Variants in CHCHD3 observed in about 807,000 individuals in gnomAD.
CHCHD3 encodes the protein coiled-coil-helix-coiled-coil-helix domain containing 3.
A neutral mutation model predicts 38.2 loss-of-function variants in CHCHD3; 20 were observed. That is an observed-to-expected ratio of 0.52 (90% CI 0.37 to 0.76). The LOEUF (loss-of-function observed/expected upper bound fraction) is 0.76, where lower values mean the gene tolerates loss of function less well. Among genes scored for constraint, CHCHD3 ranks in the 30% least tolerant of loss-of-function variants. CHCHD3 has a pLI of 0.00. For missense variants in CHCHD3, 245 were observed against 279.2 expected (o/e 0.88, Z 0.87); for synonymous variants, 82 against 100.0 (o/e 0.82, Z 1.07).
intron 6 of CHCHD3, among the ~76,000 whole-genome samples, chr7:132,817,264 C>G (rs967361212): frequency 6.6e-6 from 1 of 151,580 alleles, no homozygotes; most frequent in Non-Finnish European, 1.5e-5. Flanking sequence ...AACTGAGATG[C>G]CTTCCCCCAA....
At chr7:132,902,814 TAATA>T (rs1335739542) in intron 4 of CHCHD3, among the ~76,000 whole-genome samples, 1 of 152,058 alleles carries the variant, frequency 6.6e-6, no homozygotes, top group African/African-American at 2.4e-5. Context: ...ACTTAAAGTA[TAATA>T]AATAAAAATA....
At chr7:133,059,461 G>A (rs77880411) in intron 2 of CHCHD3, among the ~76,000 whole-genome samples, 1,981 of 152,238 alleles carry the variant, frequency 0.013, 52 homozygotes, top group African/African-American at 0.046. Flanking sequence ...GGGAGGGTCC[G>A]AGAAGGGAAA....
intron 4 of CHCHD3, among the ~76,000 whole-genome samples, chr7:132,945,052 T>A (rs1810863066): frequency 6.6e-6 from 1 of 151,908 alleles, no homozygotes; most frequent in Non-Finnish European, 1.5e-5. Context: ...TAATGGAAAT[T>A]TTACTTCCTC....
intron 4 of CHCHD3, among the ~76,000 whole-genome samples, chr7:132,947,508 C>T (rs1286161940): frequency 1.3e-5 from 2 of 151,826 alleles, no homozygotes; most frequent in African/African-American, 2.4e-5. Context: ...AAAGGAAATA[C>T]AGAAATGAAA....
intron 4 of CHCHD3, among the ~76,000 whole-genome samples, chr7:132,951,057 C>G (rs964920587): frequency 2.6e-5 from 4 of 152,300 alleles, no homozygotes; most frequent in East Asian, 1.9e-4. Context: ...GAGAGAAAAA[C>G]AGCAAGAGTT....
intron 1 of CHCHD3, among the ~76,000 whole-genome samples, chr7:133,078,429 C>T (rs1312568277): frequency 6.6e-6 from 1 of 151,986 alleles, no homozygotes; most frequent in Non-Finnish European, 1.5e-5. Context: ...GCCCGTAGTC[C>T]CAGAGGCTGG....
intron 6 of CHCHD3, among the ~76,000 whole-genome samples, chr7:132,819,824 G>A (rs1053164437): frequency 1.3e-5 from 2 of 152,236 alleles, no homozygotes; most frequent in African/African-American, 4.8e-5. Flanking sequence ...AAGGTGAGGT[G>A]TGCTGTGGCT....
intron 2 of CHCHD3, among the ~76,000 whole-genome samples, chr7:133,030,180 C>A (rs1190155772): frequency 2.0e-5 from 3 of 151,998 alleles, no homozygotes; most frequent in Non-Finnish European, 4.4e-5. Flanking sequence ...GGAAAATAAA[C>A]CAGTGAGGTA....
rs557147596 is a variant in CHCHD3, at chr7:133,020,680, A to T, written c.251+3866T>A. On this transcript the variant is annotated intron_variant, in intron 3 of 7. Transcript: ENST00000262570. Reference sequence around the variant, plus strand: ...CTGTTGTCATTGCTTGCACAGAAGCATCAAAATTTGCAGAACTGCTGTCAG... The same window carrying T: ...CTGTTGTCATTGCTTGCACAGAAGCTTCAAAATTTGCAGAACTGCTGTCAG... Among the ~76,000 whole-genome samples the T allele has an allele frequency of 3.3e-5, 5 of 152,354 alleles. No individual in the cohort carries two copies. In the East Asian group the frequency reaches 9.6e-4, roughly 29 times the overall value.
At chr7:132,856,905 A>G (rs1484499413) in intron 5 of CHCHD3, among the ~76,000 whole-genome samples, 1 of 152,196 alleles carries the variant, frequency 6.6e-6, no homozygotes, top group Non-Finnish European at 1.5e-5. Flanking sequence ...TATCTATTGG[A>G]TAAGAGACTG....
intron 7 of CHCHD3, among the ~76,000 whole-genome samples, chr7:132,796,031 T>TG (rs562523802): frequency 6.0e-4 from 92 of 152,172 alleles, no homozygotes; most frequent in Middle Eastern, 3.4e-3. Flanking sequence ...TGTTTTGTTT[T>TG]TTTTTTAACC....
chr7:133,013,184 T>C (rs1812930698), intron 3 of CHCHD3, among the ~76,000 whole-genome samples: 2 of 11,056 alleles, frequency 1.8e-4, no homozygotes, highest in African/African-American at 3.4e-4. Flanking sequence ...AGACTCCGCC[T>C]CAAAAAAAAA....
intron 6 of CHCHD3, among the ~76,000 whole-genome samples, chr7:132,834,524 A>T (rs566492306): frequency 6.6e-6 from 1 of 152,318 alleles, no homozygotes; most frequent in African/African-American, 2.4e-5. Flanking sequence ...ACACATCAAC[A>T]GCAAGTTTGC....
chr7:133,035,641 G>A lies in CHCHD3; in HGVS notation c.170-11014C>T. 1.1e-5 allele frequency: 17 copies of A among 1,611,134 alleles called. No homozygotes were observed. The highest frequency in any genetic ancestry group is 1.4e-5 in the Non-Finnish European group (17 of 1,178,406). ...GCAAAGCTCACCCACTGCACCACCT[G>A]GGCTGCTGCCTCTGGAGTACTTCCC... On this transcript the variant is annotated intron_variant, in intron 2 of 7. Transcript: ENST00000262570. This position sits in a 1 kb window ranked among gnomAD's most constrained non-coding sequence, Gnocchi z 4.7.
chr7:132,909,890 A>G (rs1809899418), intron 4 of CHCHD3, among the ~76,000 whole-genome samples: 1 of 152,232 alleles, frequency 6.6e-6, no homozygotes, highest in African/African-American at 2.4e-5. Context: ...ACTCCTATGC[A>G]TGAGGCAATG....
intron 3 of CHCHD3, among the ~76,000 whole-genome samples, chr7:133,007,935 T>C (rs551927720): frequency 3.9e-5 from 6 of 152,356 alleles, no homozygotes; most frequent in Admixed American, 6.5e-5. Context: ...TGAATCTCAT[T>C]TAATTTGCCA....
At chr7:132,882,761 T>C (rs747876610) in intron 5 of CHCHD3, among the ~76,000 whole-genome samples, 1 of 152,086 alleles carries the variant, frequency 6.6e-6, no homozygotes, top group Non-Finnish European at 1.5e-5. Context: ...TAGTAAAACC[T>C]GATGACAAAG....
chr7:133,082,021 C>G lies in CHCHD3; in HGVS notation c.-84G>C. ...CCGCACCCACACGCGCGTGGAAGGG[C>G]CTGGATTCTTTTCCCGCACAGCGGG... On this transcript the variant is annotated 5_prime_UTR_variant, in exon 1 of 8. Transcript: ENST00000262570. 5.6e-6 allele frequency: 7 copies of G among 1,251,680 alleles called. No individual in the cohort carries two copies. The highest frequency in any genetic ancestry group is 6.5e-6 in the Non-Finnish European group (6 of 920,302). 77.5% of individuals were successfully genotyped at this position (1,251,680 alleles called of 1,614,324 possible). A position where few individuals can be genotyped will look rare whatever the true frequency, so the allele number is the denominator to read the frequency against.
At chr7:132,936,470 G>C (rs932549448) in intron 4 of CHCHD3, among the ~76,000 whole-genome samples, 3 of 152,156 alleles carry the variant, frequency 2.0e-5, no homozygotes, top group African/African-American at 7.2e-5. Flanking sequence ...AGGGAGCAGA[G>C]GTCAATAAAG....
Sources: gnomAD v4.1 joint callset for allele counts (sites outside exome capture counted in the v4.1 genomes callset) on GRCh38, gnomAD v4.1.1 for gene constraint, Gnocchi (gnomAD v3.1) non-coding constraint, MANE v1.5 for transcripts, NCBI Gene and HGNC (gene_info 2026-07-23, HGNC 2026-07-21) for gene names.